ZFHX3: variants seen among roughly 807,000 people sequenced by gnomAD.
ZFHX3 encodes the protein zinc finger homeobox 3, also known as zinc finger homeobox protein 3.
A neutral mutation model predicts 279.1 loss-of-function variants in ZFHX3; 42 were observed. The ratio of observed to expected loss-of-function variants is 0.15; its 90% CI spans 0.12 to 0.19. The LOEUF is 0.19. ZFHX3 is among the 10% of genes least tolerant of loss of function. ZFHX3 has a pLI of 1.00. For synonymous variants in ZFHX3, 2,293 were observed against 1,957.8 expected (o/e 1.17, Z -4.52); for missense variants, 4,981 against 4,754.0 (o/e 1.05, Z -1.40).
At chr16:72,789,069 C>T (rs2035589792) in intron 9 of ZFHX3, 2 of 440,594 alleles carry the variant, frequency 4.5e-6, no homozygotes. Flanking sequence ...CATACTTCCC[C>T]TTTCAGCCAA....
At chr16:73,241,536 A>T (rs2013121048) in intron 5 of ZFHX3, among the ~76,000 whole-genome samples, 1 of 151,948 alleles carries the variant, frequency 6.6e-6, no homozygotes, top group Non-Finnish European at 1.5e-5. Flanking sequence ...CATGCCTGTA[A>T]TCCCAGCACT....
intron 3 of ZFHX3, among the ~76,000 whole-genome samples, chr16:73,333,157 A>C (rs1426854800): frequency 6.6e-6 from 1 of 152,250 alleles, no homozygotes; most frequent in East Asian, 1.9e-4. Context: ...ACATGGATAC[A>C]TAGACACATG....
At chr16:73,683,674 G>A (rs772109199) in intron 1 of ZFHX3, among the ~76,000 whole-genome samples, 15 of 151,894 alleles carry the variant, frequency 9.9e-5, no homozygotes, top group East Asian at 1.9e-4. Context: ...CCTGAGTAGC[G>A]GGGATTACAT....
intron 1 of ZFHX3, among the ~76,000 whole-genome samples, chr16:73,830,910 A>G (rs1960979005): frequency 6.6e-6 from 1 of 152,188 alleles, no homozygotes; most frequent in South Asian, 2.1e-4. Context: ...CAAGACAGCA[A>G]ACTGTGCTCA....
intron 2 of ZFHX3, among the ~76,000 whole-genome samples, chr16:73,551,427 G>C (rs1451142089): frequency 6.6e-6 from 1 of 152,130 alleles, no homozygotes; most frequent in East Asian, 1.9e-4. Flanking sequence ...TAATTAAAAA[G>C]ATAATCTAGT....
chr16:73,483,484 A>T (rs905374103), intron 2 of ZFHX3: 2 of 427,194 alleles, frequency 4.7e-6, no homozygotes, highest in African/African-American at 4.2e-5. Context: ...TTCAAATGGC[A>T]GTTCCGTCAG....
intron 1 of ZFHX3, among the ~76,000 whole-genome samples, chr16:73,783,707 T>A (rs939729224): frequency 2.0e-5 from 3 of 152,224 alleles, no homozygotes; most frequent in Non-Finnish European, 4.4e-5. Flanking sequence ...CCAGTCACAG[T>A]GGTAAGGACT....
chr16:73,564,507 G>T (rs2020422548), intron 2 of ZFHX3, among the ~76,000 whole-genome samples: 1 of 152,140 alleles, frequency 6.6e-6, no homozygotes, highest in African/African-American at 2.4e-5. Flanking sequence ...TGGGATTCCA[G>T]TTATTGCCAC....
chr16:73,857,243 G>C (rs911032953), intron 1 of ZFHX3, among the ~76,000 whole-genome samples: 1 of 152,158 alleles, frequency 6.6e-6, no homozygotes, highest in Non-Finnish European at 1.5e-5. Flanking sequence ...AATAAGATTT[G>C]CTCTAGAATG....
intron 3 of ZFHX3, among the ~76,000 whole-genome samples, chr16:73,362,540 A>T (rs1395760369): frequency 6.6e-6 from 1 of 152,250 alleles, no homozygotes; most frequent in Non-Finnish European, 1.5e-5. Flanking sequence ...CAGAGTGTAA[A>T]GAAGGATCAG....
chr16:73,821,526 T>C (rs2142349075), intron 1 of ZFHX3, among the ~76,000 whole-genome samples: 1 of 152,304 alleles, frequency 6.6e-6, no homozygotes, highest in African/African-American at 2.4e-5. Context: ...AACTGGGAAT[T>C]ACCCCTACCC....
At chr16:73,322,750 C>T (rs1204245436) in intron 3 of ZFHX3, among the ~76,000 whole-genome samples, 1 of 152,090 alleles carries the variant, frequency 6.6e-6, no homozygotes, top group Non-Finnish European at 1.5e-5. Context: ...TACTGAACGC[C>T]CACTAATGTG....
intron 3 of ZFHX3, among the ~76,000 whole-genome samples, chr16:73,391,577 A>C (rs2017013872): frequency 6.6e-6 from 1 of 152,148 alleles, no homozygotes; most frequent in African/African-American, 2.4e-5. Context: ...GGTTTGGCTC[A>C]TCTGTAAAAT....
chr16:73,282,074 T>G (rs1205952429), intron 4 of ZFHX3, among the ~76,000 whole-genome samples: 2 of 152,244 alleles, frequency 1.3e-5, no homozygotes, highest in African/African-American at 2.4e-5. Flanking sequence ...GAATTGTGTG[T>G]GCGCGTTTGT....
intron 3 of ZFHX3, among the ~76,000 whole-genome samples, chr16:73,372,703 A>T (rs2016653090): frequency 6.6e-6 from 1 of 152,212 alleles, no homozygotes; most frequent in South Asian, 2.1e-4. Flanking sequence ...GATTTTGAGG[A>T]AGGACAGGAC....
chr16:73,402,681 A>G (rs948609665), intron 3 of ZFHX3, among the ~76,000 whole-genome samples: 60 of 152,148 alleles, frequency 3.9e-4, no homozygotes, highest in African/African-American at 1.4e-3. Context: ...AACTTATAAG[A>G]GTTTGTCAAT....
chr16:73,795,164 G>A (rs546494032), intron 1 of ZFHX3, among the ~76,000 whole-genome samples: 84 of 152,330 alleles, frequency 5.5e-4, no homozygotes, highest in African/African-American at 1.9e-3. Context: ...TCAGACCGCA[G>A]CCAGGAGTCT....
At chr16:73,856,190 T>C (rs1449824247) in intron 1 of ZFHX3, among the ~76,000 whole-genome samples, 3 of 152,222 alleles carry the variant, frequency 2.0e-5, no homozygotes, top group African/African-American at 7.2e-5. Context: ...ACATACTCTT[T>C]AATGTTGGCA....
rs368749091 is a variant in ZFHX3 at position 73,143,840 on chromosome 16, G to T, written c.-1103-9C>A. On this transcript the variant is annotated splice_polypyrimidine_tract_variant and intron_variant, in intron 5 of 17. Coordinates refer to the ZFHX3 transcript ENST00000641206. ...AACTTATATCTTCCGAGCTGAAGAAGAAAAGAAAGGACAAAAACACGGTTG... is the reference window on the plus strand; with the variant it reads ...AACTTATATCTTCCGAGCTGAAGAATAAAAGAAAGGACAAAAACACGGTTG... 4.4e-5 allele frequency: 55 copies of T among 1,258,080 alleles called. 1 individual carries two copies. The African/African-American group carries it at 7.9e-4, about 18-fold the overall frequency. 77.9% of individuals were successfully genotyped at this position (1,258,080 alleles called of 1,614,324 possible). A position where few individuals can be genotyped will look rare whatever the true frequency, so the allele number is the denominator to read the frequency against.
Sources: allele counts gnomAD v4.1 joint callset (sites outside exome capture counted in the v4.1 genomes callset), GRCh38; gene constraint gnomAD v4.1.1; transcripts MANE v1.5; gene names NCBI Gene and HGNC (gene_info 2026-07-23, HGNC 2026-07-21).